GPR158: variants seen among roughly 807,000 people sequenced by gnomAD.
GPR158 encodes the protein G protein-coupled receptor 158.
A neutral mutation model predicts 78.2 loss-of-function variants in GPR158; 30 were observed. That is an observed-to-expected ratio of 0.38 (90% CI 0.29 to 0.52). The LOEUF is 0.52. GPR158 is among the 20% of genes least tolerant of loss of function. GPR158 has a pLI of 0.83. For synonymous variants in GPR158, 581 were observed against 591.1 expected (o/e 0.98, Z 0.25); for missense variants, 1,463 against 1,523.5 (o/e 0.96, Z 0.66).
chr10:25,424,554 T>G (rs1166452019), intron 4 of GPR158, among the ~76,000 whole-genome samples: 1 of 151,554 alleles, frequency 6.6e-6, no homozygotes, highest in Non-Finnish European at 1.5e-5. Context: ...TTGAATTAAT[T>G]TTTGTATAAG....
chr10:25,256,387 A>G (rs1853888163), intron 2 of GPR158, among the ~76,000 whole-genome samples: 1 of 152,172 alleles, frequency 6.6e-6, no homozygotes, highest in Non-Finnish European at 1.5e-5. Context: ...TGCAGTGGCT[A>G]ACGCCTATAA....
chr10:25,371,103 G>A (rs10828783), intron 2 of GPR158, among the ~76,000 whole-genome samples: 115,069 of 144,496 alleles, frequency 0.8, 46,800 homozygotes, highest in Non-Finnish European at 0.85. Flanking sequence ...GCACACTGAT[G>A]GGTCTTGACT....
chr10:25,550,545 G>GT lies in GPR158; in HGVS notation c.1405-430dup, dbSNP rs775704561. Among the ~76,000 whole-genome samples, 39 of 152,232 alleles carry GT rather than the reference G, an allele frequency of 2.6e-4. No homozygotes were observed. The East Asian group carries it at 3.9e-3, about 15-fold the overall frequency. The stretch of plus-strand genomic sequence containing the variant: ...TGTTCGTTTTGGACAATAAGGAGAG[G>GT]TAAGTTTGGACATACACCAAAGACT... On this transcript the variant is annotated intron_variant, in intron 5 of 10. Transcript: ENST00000376351.
chr10:25,311,447 AACAT>A (rs1854763175), intron 2 of GPR158, among the ~76,000 whole-genome samples: 1 of 152,060 alleles, frequency 6.6e-6, no homozygotes, highest in South Asian at 2.1e-4. Flanking sequence ...CCTTTATTAT[AACAT>A]TATATTCAGT....
At chr10:25,543,316 T>C (rs1836615224) in intron 5 of GPR158, among the ~76,000 whole-genome samples, 1 of 152,116 alleles carries the variant, frequency 6.6e-6, no homozygotes, top group Admixed American at 6.6e-5. Context: ...AGGTAGGGTT[T>C]CACCATGTTG....
chr10:25,501,004 T>C (rs1045932385), intron 5 of GPR158, among the ~76,000 whole-genome samples: 2 of 152,168 alleles, frequency 1.3e-5, no homozygotes, highest in South Asian at 2.1e-4. Flanking sequence ...ACAACATGCA[T>C]TGGTATCAGC....
intron 3 of GPR158, among the ~76,000 whole-genome samples, chr10:25,401,914 A>G (rs1430167649): frequency 2.0e-5 from 3 of 152,160 alleles, no homozygotes; most frequent in Non-Finnish European, 4.4e-5. Context: ...TATAACATTC[A>G]GAACATATTC....
At chr10:25,301,008 C>T (rs1854585445) in intron 2 of GPR158, among the ~76,000 whole-genome samples, 1 of 152,136 alleles carries the variant, frequency 6.6e-6, no homozygotes, top group African/African-American at 2.4e-5. Flanking sequence ...TGTCTTATTG[C>T]TCCTGAGTTT....
chr10:25,281,017 C>G (rs1038682769), intron 2 of GPR158, among the ~76,000 whole-genome samples: 5 of 151,674 alleles, frequency 3.3e-5, no homozygotes, highest in African/African-American at 7.3e-5. Context: ...CGCCTGTAAT[C>G]TCAGATACTG....
chr10:25,537,899 C>G (rs115030876), intron 5 of GPR158, among the ~76,000 whole-genome samples: 3,221 of 152,230 alleles, frequency 0.021, 50 homozygotes, highest in African/African-American at 0.038. Flanking sequence ...TTTCCTGAAG[C>G]CTCCCCAGCC....
intron 2 of GPR158, among the ~76,000 whole-genome samples, chr10:25,390,210 G>A (rs1353038603): frequency 6.6e-6 from 1 of 152,086 alleles, no homozygotes; most frequent in East Asian, 1.9e-4. Flanking sequence ...CAGTAAATTG[G>A]TACCGGTAGA....
chr10:25,439,221 G>T (rs1030678950), intron 4 of GPR158, among the ~76,000 whole-genome samples: 1 of 152,144 alleles, frequency 6.6e-6, no homozygotes, highest in Admixed American at 6.6e-5. Flanking sequence ...TCACAATCAT[G>T]GTGGAAGGTG....
chr10:25,253,277 C>T (rs572813660), intron 2 of GPR158, among the ~76,000 whole-genome samples: 117 of 152,322 alleles, frequency 7.7e-4, no homozygotes, highest in Non-Finnish European at 1.4e-3. Flanking sequence ...CGGTCTTCTG[C>T]GTCGGTCACG....
At chr10:25,433,547 T>TGTGTGTGTTGTGTGTGTGTTGTG (rs67750453) in intron 4 of GPR158, among the ~76,000 whole-genome samples, 3 of 96,330 alleles carry the variant, frequency 3.1e-5, no homozygotes, top group African/African-American at 8.4e-5. Context: ...TGTGTGTGTG[T>TGTGTGTGTTGTGTGTGTGTTGTG]TGTGTGTGTG....
At chr10:25,368,118 A>G (rs908106001) in intron 2 of GPR158, among the ~76,000 whole-genome samples, 11 of 152,014 alleles carry the variant, frequency 7.2e-5, no homozygotes, top group Admixed American at 2.0e-4. Flanking sequence ...CCCACCTGCC[A>G]GAATGGCAGC....
chr10:25,596,557 A>G, intron 9 of GPR158, 86 bp from the exon 10 acceptor site: 3 of 873,546 alleles, frequency 3.4e-6, no homozygotes, highest in Non-Finnish European at 1.8e-6. Flanking sequence ...AGATACCTAT[A>G]TAGATATAGG....
At chr10:25,589,871 TA>T (rs980980114) in intron 8 of GPR158, among the ~76,000 whole-genome samples, 1 of 152,194 alleles carries the variant, frequency 6.6e-6, no homozygotes, top group African/African-American at 2.4e-5. Flanking sequence ...AGGGCAGAAC[TA>T]AAAGAAGGAA....
intron 1 of GPR158, among the ~76,000 whole-genome samples, chr10:25,214,756 A>G (rs1325358805): frequency 6.6e-6 from 1 of 151,976 alleles, no homozygotes; most frequent in African/African-American, 2.4e-5. Context: ...AAATGAGGAG[A>G]CAGACATGCA....
At chr10:25,239,097 G>A (rs1301120061) in intron 2 of GPR158, among the ~76,000 whole-genome samples, 6 of 152,164 alleles carry the variant, frequency 3.9e-5, no homozygotes, top group African/African-American at 1.2e-4. Flanking sequence ...AGTACATGGA[G>A]TGAAGAAACC....
Sources: allele counts gnomAD v4.1 joint callset (sites outside exome capture counted in the v4.1 genomes callset), GRCh38; gene constraint gnomAD v4.1.1; transcripts MANE v1.5; gene names NCBI Gene and HGNC (gene_info 2026-07-23, HGNC 2026-07-21).